Variants in CDH13 observed in about 807,000 individuals in gnomAD.
CDH13 encodes the protein cadherin-13.
A neutral mutation model predicts 63.8 loss-of-function variants in CDH13; 24 were observed. The observed-to-expected ratio is 0.38, with a 90% CI of 0.27 to 0.53. CDH13 has a LOEUF of 0.53. Among genes scored for constraint, CDH13 ranks in the 20% least tolerant of loss-of-function variants. The pLI is 0.85. For missense variants in CDH13, 1,049 were observed against 903.1 expected, an observed-to-expected ratio of 1.16 and a Z score of -2.07; for synonymous variants, 503 against 355.3, an observed-to-expected ratio of 1.42 and a Z score of -4.67.
At chr16:83,039,591 T>C (rs1363880712) in intron 3 of CDH13, among the ~76,000 whole-genome samples, 1 of 152,166 alleles carries the variant, frequency 6.6e-6, no homozygotes, top group Non-Finnish European at 1.5e-5. Context: ...CTTCCCTGCC[T>C]CCCTCCCTTC....
chr16:83,705,362 C>T (rs1453995912), intron 10 of CDH13, among the ~76,000 whole-genome samples: 1 of 152,188 alleles, frequency 6.6e-6, no homozygotes, highest in Non-Finnish European at 1.5e-5. Context: ...GTGGCTCACG[C>T]CTGTAATCCT....
At chr16:82,764,954 A>G (rs967308536) in intron 1 of CDH13, among the ~76,000 whole-genome samples, 1 of 151,902 alleles carries the variant, frequency 6.6e-6, no homozygotes, top group Non-Finnish European at 1.5e-5. Flanking sequence ...AGCTGAAACT[A>G]CAGACGTGTG....
intron 6 of CDH13, among the ~76,000 whole-genome samples, chr16:83,401,548 G>C (rs11649444): frequency 0.72 from 109,067 of 151,760 alleles, 39,405 homozygotes; most frequent in East Asian, 0.87. Flanking sequence ...AAAATAATCT[G>C]TGGTTTTTCC....
At chr16:83,679,035 T>C (rs1598463376) in intron 10 of CDH13, among the ~76,000 whole-genome samples, 1 of 152,262 alleles carries the variant, frequency 6.6e-6, no homozygotes, top group African/African-American at 2.4e-5. Context: ...CAAAGTCACT[T>C]CCTGGTGCTT....
chr16:82,969,681 T>C (rs1040330183), intron 2 of CDH13, among the ~76,000 whole-genome samples: 1 of 152,130 alleles, frequency 6.6e-6, no homozygotes, highest in Admixed American at 6.5e-5. Flanking sequence ...ACTGCAGTCA[T>C]GACAATCAAA....
chr16:83,708,635 CA>C (rs1243007534), intron 10 of CDH13, among the ~76,000 whole-genome samples: 1 of 152,204 alleles, frequency 6.6e-6, no homozygotes, highest in Admixed American at 6.5e-5. Context: ...TTACCTTATA[CA>C]GTAAAAAGGA....
At chr16:83,691,671 G>A (rs1455609481) in intron 10 of CDH13, among the ~76,000 whole-genome samples, 3 of 152,050 alleles carry the variant, frequency 2.0e-5, no homozygotes, top group Non-Finnish European at 4.4e-5. Context: ...CCGCAAATCA[G>A]CATATCCTGA....
At chr16:82,767,274 C>T (rs2035091514) in intron 1 of CDH13, among the ~76,000 whole-genome samples, 1 of 152,156 alleles carries the variant, frequency 6.6e-6, no homozygotes, top group Non-Finnish European at 1.5e-5. Context: ...CAGAAAGTTC[C>T]CTCAAGCCTC....
chr16:83,037,864 G>C (rs1917002878), intron 3 of CDH13, among the ~76,000 whole-genome samples: 1 of 152,184 alleles, frequency 6.6e-6, no homozygotes, highest in African/African-American at 2.4e-5. Flanking sequence ...GATAAGAACA[G>C]TCTGTGTCAC....
At chr16:83,394,923 G>A (rs986646029) in intron 6 of CDH13, among the ~76,000 whole-genome samples, 15 of 152,078 alleles carry the variant, frequency 9.9e-5, no homozygotes, top group East Asian at 1.9e-4. Context: ...CAAGACAGGC[G>A]GATCACCTGT....
chr16:83,321,753 C>T (rs2090231958), intron 5 of CDH13, among the ~76,000 whole-genome samples: 1 of 152,144 alleles, frequency 6.6e-6, no homozygotes, highest in Non-Finnish European at 1.5e-5. Context: ...TGGTCTCGAT[C>T]TCCTGACCTC....
chr16:83,163,651 C>T (rs374303032), intron 4 of CDH13, among the ~76,000 whole-genome samples: 4 of 152,184 alleles, frequency 2.6e-5, no homozygotes, highest in African/African-American at 9.6e-5. Context: ...CATCTCCACT[C>T]TCTTTCTTTC....
intron 3 of CDH13, among the ~76,000 whole-genome samples, chr16:83,122,240 G>A (rs959571124): frequency 5.3e-5 from 8 of 152,152 alleles, no homozygotes; most frequent in Non-Finnish European, 1.2e-4. Context: ...CTTTAACACC[G>A]CTCTGGCCCC....
intron 1 of CDH13, among the ~76,000 whole-genome samples, chr16:82,837,292 C>G (rs1298566798): frequency 6.6e-6 from 1 of 152,170 alleles, no homozygotes; most frequent in African/African-American, 2.4e-5. Flanking sequence ...TTGCCTACCT[C>G]AGAGGCTTGT....
At chr16:83,673,909 G>T (rs1346998940) in intron 9 of CDH13, among the ~76,000 whole-genome samples, 1 of 152,206 alleles carries the variant, frequency 6.6e-6, no homozygotes, top group Non-Finnish European at 1.5e-5. Context: ...TGATGCTCTT[G>T]CTGACTTCAG....
chr16:83,383,898 C>T (rs1378802664), intron 6 of CDH13, among the ~76,000 whole-genome samples: 2 of 152,284 alleles, frequency 1.3e-5, no homozygotes, highest in African/African-American at 2.4e-5. Flanking sequence ...GCTGGAGTGT[C>T]ACTGCTGCTA....
intron 7 of CDH13, among the ~76,000 whole-genome samples, chr16:83,528,347 T>C (rs2075007927): frequency 1.3e-5 from 2 of 152,194 alleles, no homozygotes; most frequent in Non-Finnish European, 2.9e-5. Flanking sequence ...AAATTAAAAA[T>C]GCAAACGTGA....
At chr16:82,926,420 A>T (rs1311521726) in intron 2 of CDH13, among the ~76,000 whole-genome samples, 1 of 152,220 alleles carries the variant, frequency 6.6e-6, no homozygotes, top group Admixed American at 6.5e-5. Flanking sequence ...GAGTTGGAAC[A>T]CTGATTTGCA....
In CDH13 at chr16:83,153,035, C is replaced by G. The variant is rs2037056352; in HGVS notation, c.483+27534C>G. 2.6e-5 allele frequency among the ~76,000 whole-genome samples: 4 copies of G among 152,326 alleles called. No individual in the cohort carries two copies. The South Asian group carries it at 8.3e-4, about 32-fold the overall frequency. On this transcript the variant is annotated intron_variant, in intron 4 of 13. Transcript: ENST00000567109. The stretch of plus-strand genomic sequence containing the variant: ...TTAGTGGGTTCACCTTACCTGCTGC[C>G]TACCCAGAGCCAACTTCTCAAGACA...
Sources: gnomAD v4.1 joint callset for allele counts (sites outside exome capture counted in the v4.1 genomes callset) on GRCh38, gnomAD v4.1.1 for gene constraint, MANE v1.5 for transcripts, NCBI Gene and HGNC (gene_info 2026-07-23, HGNC 2026-07-21) for gene names.